Variants in TMCC1 observed in about 807,000 individuals in gnomAD.
The protein encoded by TMCC1 is transmembrane and coiled-coil domains protein 1.
Under a neutral mutation model 52.4 loss-of-function variants are expected in TMCC1, and 15 were observed. The observed-to-expected ratio is 0.29, with a 90% CI of 0.19 to 0.44. TMCC1 has a LOEUF of 0.44. TMCC1 is among the 20% of genes least tolerant of loss of function. The pLI is 1.00. For synonymous variants in TMCC1, 279 were observed against 301.9 expected (o/e 0.92, Z 0.79); for missense variants, 503 against 806.0 (o/e 0.62, Z 4.55).
chr3:129,799,289 C>T (rs1222536241), intron 4 of TMCC1, among the ~76,000 whole-genome samples: 2 of 152,080 alleles, frequency 1.3e-5, no homozygotes, highest in African/African-American at 2.4e-5. Flanking sequence ...TTGTATCATG[C>T]GTTACCTGCA....
chr3:129,864,032 G>A (rs2060514654), intron 2 of TMCC1, among the ~76,000 whole-genome samples: 1 of 152,106 alleles, frequency 6.6e-6, no homozygotes, highest in Non-Finnish European at 1.5e-5. Context: ...AAGTTATCGG[G>A]TTCATGCTCT....
intron 4 of TMCC1, among the ~76,000 whole-genome samples, chr3:129,723,912 ATTTTTT>A (rs5852573): frequency 2.3e-4 from 33 of 141,460 alleles, no homozygotes; most frequent in South Asian, 1.6e-3. Context: ...TCAGGATGAG[ATTTTTT>A]TTTTTTTTTT....
chr3:129,797,880 C>T (rs1216471351), intron 4 of TMCC1, among the ~76,000 whole-genome samples: 1 of 152,124 alleles, frequency 6.6e-6, no homozygotes, highest in Non-Finnish European at 1.5e-5. Flanking sequence ...AAAGTAAAGA[C>T]TCCTTCATAC....
At chr3:129,787,048 G>T (rs1156395702) in intron 4 of TMCC1, among the ~76,000 whole-genome samples, 1 of 152,066 alleles carries the variant, frequency 6.6e-6, no homozygotes, top group East Asian at 1.9e-4. Context: ...AAAATTGGGT[G>T]TTTTCTTAGA....
At chr3:129,698,972 C>A (rs1298701612) in intron 4 of TMCC1, among the ~76,000 whole-genome samples, 2 of 152,082 alleles carry the variant, frequency 1.3e-5, no homozygotes, top group Non-Finnish European at 2.9e-5. Flanking sequence ...AGGACCCAGA[C>A]TGAGAAAATC....
intron 4 of TMCC1, among the ~76,000 whole-genome samples, chr3:129,753,468 T>A (rs934450033): frequency 1.3e-5 from 2 of 152,182 alleles, no homozygotes; most frequent in African/African-American, 4.8e-5. Context: ...CAAATCAAAT[T>A]TAGCAATATA....
intron 2 of TMCC1, among the ~76,000 whole-genome samples, chr3:129,870,506 G>A (rs1295364458): frequency 2.6e-5 from 4 of 151,810 alleles, no homozygotes; most frequent in African/African-American, 7.3e-5. Context: ...TTGGGAGGCC[G>A]AGGCGGGCAG....
At chr3:129,783,239 T>C (rs2055685757) in intron 4 of TMCC1, among the ~76,000 whole-genome samples, 1 of 152,218 alleles carries the variant, frequency 6.6e-6, no homozygotes, top group African/African-American at 2.4e-5. Flanking sequence ...AGTCTCTATA[T>C]ATCTAAATAT....
At chr3:129,719,312 C>G (rs549304178) in intron 4 of TMCC1, among the ~76,000 whole-genome samples, 51 of 152,284 alleles carry the variant, frequency 3.3e-4, no homozygotes, top group African/African-American at 1.2e-3. Flanking sequence ...TGTGGAGTTT[C>G]CTGGAGGGTG....
chr3:129,671,269 T>C lies in TMCC1; in HGVS notation c.577-5A>G, dbSNP rs1418614970. The C allele has an allele frequency of 3.7e-6, 6 of 1,600,548 alleles. No homozygotes were observed. Among genetic ancestry groups the C allele is most frequent in the South Asian group, 2.2e-5 (2 of 89,542 alleles). On this transcript the variant is annotated splice_region_variant and splice_polypyrimidine_tract_variant and intron_variant, in intron 4 of 6. Coordinates refer to ENST00000393238, the MANE Select transcript of TMCC1 (RefSeq NM_001017395.5). ...GCTTACTTCCAACCGTTCGATCTAG[T>C]GTAAAAACAAGAGGTACATGTTAGA...
At chr3:129,786,316 G>T (rs2056030007) in intron 4 of TMCC1, among the ~76,000 whole-genome samples, 4 of 152,078 alleles carry the variant, frequency 2.6e-5, no homozygotes. Flanking sequence ...ATCTAGTGAT[G>T]TTGCTCCCTT....
chr3:129,874,806 A>G (rs2061113171), intron 2 of TMCC1, among the ~76,000 whole-genome samples: 1 of 152,176 alleles, frequency 6.6e-6, no homozygotes, highest in African/African-American at 2.4e-5. Context: ...GCAGTGAGCT[A>G]TGATTGCACC....
chr3:129,829,867 A>G (rs1444664613), intron 3 of TMCC1, among the ~76,000 whole-genome samples: 1 of 152,200 alleles, frequency 6.6e-6, no homozygotes, highest in Non-Finnish European at 1.5e-5. Flanking sequence ...GTTCCTGATG[A>G]CTACTCTCAG....
chr3:129,687,854 G>A (rs911494220), intron 4 of TMCC1, among the ~76,000 whole-genome samples: 3 of 151,918 alleles, frequency 2.0e-5, no homozygotes, highest in Non-Finnish European at 2.9e-5. Context: ...TCCTTCTCCC[G>A]CTTCAGACTA....
chr3:129,731,979 C>A (rs150095738), intron 4 of TMCC1, among the ~76,000 whole-genome samples: 1 of 152,212 alleles, frequency 6.6e-6, no homozygotes, highest in East Asian at 1.9e-4. Context: ...AATGCCTACA[C>A]ATCACTTCAT....
At chr3:129,789,750 G>A (rs113155290) in intron 4 of TMCC1, among the ~76,000 whole-genome samples, 1 of 152,240 alleles carries the variant, frequency 6.6e-6, no homozygotes, top group African/African-American at 2.4e-5. Flanking sequence ...AAAGTGCTGG[G>A]ATTACAGGCG....
At chr3:129,799,791 G>A (rs1289204262) in intron 4 of TMCC1, among the ~76,000 whole-genome samples, 3 of 152,082 alleles carry the variant, frequency 2.0e-5, no homozygotes, top group African/African-American at 4.8e-5. Context: ...CAGCCTGGGC[G>A]ACAGAGCGAG....
At position 129,810,297 on chromosome 3, in the gene TMCC1, G is replaced by A. The variant is rs376597355; in HGVS notation, c.576+17506C>T. On this transcript the variant is annotated intron_variant, in intron 4 of 6. Transcript: ENST00000393238. ...CACTTAAACCCAGGAGGCAGGGGTT[G>A]CAGTGAGCCAAGATTGCACCACTGG... 4.3e-3 allele frequency among the ~76,000 whole-genome samples: 651 copies of A among 152,224 alleles called. 7 individuals carry two copies. The highest frequency in any genetic ancestry group is 0.023 in the South Asian group (109 of 4,820).
At chr3:129,851,525 C>CTA (rs1407825978) in intron 2 of TMCC1, among the ~76,000 whole-genome samples, 2 of 152,084 alleles carry the variant, frequency 1.3e-5, no homozygotes, top group Non-Finnish European at 2.9e-5. Flanking sequence ...TTCAGATATG[C>CTA]TATCTTAATC....
Sources: gnomAD v4.1 joint callset for allele counts (sites outside exome capture counted in the v4.1 genomes callset) on GRCh38, gnomAD v4.1.1 for gene constraint, MANE v1.5 for transcripts, NCBI Gene and HGNC (gene_info 2026-07-23, HGNC 2026-07-21) for gene names.